Variants in LYRM4 observed in about 807,000 individuals in gnomAD.
The protein encoded by LYRM4 is LYR motif containing 4, also known as LYR motif-containing protein 4.
In LYRM4, 9 loss-of-function variants were observed where a neutral mutation model predicts 11.7. That is an observed-to-expected ratio of 0.77 (90% CI 0.46 to 1.34). The LOEUF (loss-of-function observed/expected upper bound fraction) is 1.34. LYRM4 is among the 40% of genes most tolerant of loss of function. The pLI is 0.00. For missense variants in LYRM4, 133 were observed against 112.5 expected (o/e 1.18, Z -0.82); for synonymous variants, 42 against 40.4 (o/e 1.04, Z -0.15).
At chr6:5,237,242 G>A (rs1419172795) in intron 1 of LYRM4, among the ~76,000 whole-genome samples, 1 of 152,120 alleles carries the variant, frequency 6.6e-6, no homozygotes, top group Non-Finnish European at 1.5e-5. Flanking sequence ...AATACCACCT[G>A]AGCTCCACCT....
At chr6:5,124,525 G>A (rs553918016) in intron 2 of LYRM4, among the ~76,000 whole-genome samples, 3 of 152,322 alleles carry the variant, frequency 2.0e-5, no homozygotes, top group Non-Finnish European at 4.4e-5. Flanking sequence ...GGCCTAAAGT[G>A]TGACTTCAGA....
chr6:5,244,985 G>T (rs1318289061), intron 1 of LYRM4, among the ~76,000 whole-genome samples: 9 of 147,212 alleles, frequency 6.1e-5, no homozygotes, highest in Admixed American at 4.1e-4. Context: ...AAATTATCCT[G>T]TTACTGCATG....
Position 5,229,440 on chromosome 6 carries a change from T to C in LYRM4, c.87-12702A>G, listed in dbSNP as rs185610164. Among the ~76,000 whole-genome samples, 609 of 152,208 alleles carry C rather than the reference T, an allele frequency of 4.0e-3. 1 individual carries two copies. The highest frequency in any genetic ancestry group is 7.0e-3 in the Admixed American group (107 of 15,286). Reference sequence around the variant, plus strand: ...GCAGACGTCTGATTACATCCACAGGTGCAGTTTTGACAGATGGGTGCAACA... The same window carrying C: ...GCAGACGTCTGATTACATCCACAGGCGCAGTTTTGACAGATGGGTGCAACA... On this transcript the variant is annotated intron_variant, in intron 1 of 2. Transcript: ENST00000330636.
intron 2 of LYRM4, among the ~76,000 whole-genome samples, chr6:5,133,051 T>G (rs756130028): frequency 6.6e-6 from 1 of 152,210 alleles, no homozygotes; most frequent in South Asian, 2.1e-4. Context: ...GAATCAGGAC[T>G]GGTTACTTTG....
the LYRM4 span, chr6:5,088,876 T>C: frequency 1.3e-5 from 2 of 152,204 alleles, no homozygotes; most frequent in African/African-American, 4.8e-5. Context: ...CCTAAAAAAA[T>C]AGTAACACAT....
rs1197151137 is a variant in LYRM4, at chr6:5,135,486, GCTGTGGAGGGTGCGGTTCACTCCCGGGA to G, written c.208-26023_208-25996del. On this transcript the variant is annotated intron_variant, in intron 2 of 2. Coordinates refer to ENST00000330636, the MANE Select transcript of LYRM4 (RefSeq NM_020408.6). ...GTGGAGGGTGCGGATCGCTCCTGGG[GCTGTGGAGGGTGCGGTTCACTCCCGGGA>G]CTGTGGAGGGTGCGGATCGCTCCTG... Among the ~76,000 whole-genome samples, 5 of 119,064 alleles carry G rather than the reference GCTGTGGAGGGTGCGGTTCACTCCCGGGA, an allele frequency of 4.2e-5. 1 individual carries two copies. Among genetic ancestry groups the G allele is most frequent in the African/African-American group, 7.1e-5 (2 of 28,086 alleles). 78.1% of individuals were successfully genotyped at this position (119,064 alleles called of 152,430 possible). A position where few individuals can be genotyped will look rare whatever the true frequency, so the allele number is the denominator to read the frequency against.
chr6:5,121,049 A>C (rs986356433), intron 2 of LYRM4, among the ~76,000 whole-genome samples: 3 of 152,182 alleles, frequency 2.0e-5, no homozygotes, highest in Admixed American at 2.0e-4. Context: ...AGCAGTGCTC[A>C]TCTAAGGGGA....
In LYRM4 at chr6:5,170,627, A is replaced by G. The variant is rs1222286362; in HGVS notation, c.207+45991T>C. Among the ~76,000 whole-genome samples, 3 of 152,174 alleles carry G rather than the reference A, an allele frequency of 2.0e-5. No individual in the cohort carries two copies. The East Asian group carries it at 5.8e-4, about 29-fold the overall frequency. ...GCGATTCTTGTGCCTCAGCCTCGCG[A>G]CTTTCTTTCTTTTAAATAGGGCTAC... On this transcript the variant is annotated intron_variant, in intron 2 of 2. Transcript: ENST00000330636.
intron 2 of LYRM4, among the ~76,000 whole-genome samples, chr6:5,181,727 A>G (rs754105805): frequency 2.6e-5 from 4 of 151,176 alleles, no homozygotes; most frequent in Non-Finnish European, 4.4e-5. Context: ...CCATTTCACA[A>G]CTCTCTTCTT....
At chr6:5,235,087 T>C (rs1161608851) in intron 1 of LYRM4, among the ~76,000 whole-genome samples, 1 of 152,136 alleles carries the variant, frequency 6.6e-6, no homozygotes, top group Non-Finnish European at 1.5e-5. Flanking sequence ...CTTTCCATCA[T>C]TACTTCCCCT....
intron 1 of LYRM4, among the ~76,000 whole-genome samples, chr6:5,243,069 G>A (rs901953922): frequency 1.3e-5 from 2 of 152,128 alleles, no homozygotes; most frequent in Non-Finnish European, 2.9e-5. Context: ...CACCGCGCCC[G>A]GCCAGGATTT....
chr6:5,076,006 G>A, the LYRM4 span, among the ~76,000 whole-genome samples: 1 of 151,346 alleles, frequency 6.6e-6, no homozygotes, highest in Admixed American at 6.6e-5. Context: ...GTGCAGTGGT[G>A]CGATCATGGC....
At chr6:5,180,456 C>T (rs1760003621) in intron 2 of LYRM4, among the ~76,000 whole-genome samples, 2 of 152,228 alleles carry the variant, frequency 1.3e-5, no homozygotes, top group Admixed American at 1.3e-4. Flanking sequence ...CTAGCATCCT[C>T]AAATGTAGAT....
In LYRM4 at chr6:5,155,937, A is replaced by G. The variant is rs1449270607; in HGVS notation, c.208-46446T>C. 2.0e-5 allele frequency among the ~76,000 whole-genome samples: 3 copies of G among 152,242 alleles called. No homozygotes were observed. The East Asian group carries it at 5.8e-4, about 29-fold the overall frequency. On this transcript the variant is annotated intron_variant, in intron 2 of 2. Coordinates refer to ENST00000330636, the MANE Select transcript of LYRM4 (RefSeq NM_020408.6). ...CTAAGGACAACAGGCAGAGAGAAACATCTTGAGATATGTTTGGAGGCAGGC... is the reference window on the plus strand; with the variant it reads ...CTAAGGACAACAGGCAGAGAGAAACGTCTTGAGATATGTTTGGAGGCAGGC...
At chr6:5,051,068 A>G in the LYRM4 span, among the ~76,000 whole-genome samples, 2 of 152,334 alleles carry the variant, frequency 1.3e-5, no homozygotes, top group African/African-American at 4.8e-5. Context: ...AGATTTGAAC[A>G]GGCAAAAGAA....
In LYRM4 at chr6:5,143,958, C is replaced by T. The variant is rs399120; in HGVS notation, c.208-34467G>A. ...ACTGAATAAAACATTCACAGTATATCTTCCACCAGCAGCTGAGCTCCAATT... is the reference window on the plus strand; with the variant it reads ...ACTGAATAAAACATTCACAGTATATTTTCCACCAGCAGCTGAGCTCCAATT... On this transcript the variant is annotated intron_variant, in intron 2 of 2. Transcript: ENST00000330636. Among the ~76,000 whole-genome samples the T allele has an allele frequency of 0.8, 121,917 of 152,108 alleles. 49,046 individuals are homozygous for T. The highest frequency in any genetic ancestry group is 0.92 in the East Asian group (4,762 of 5,160).
intron 2 of LYRM4, among the ~76,000 whole-genome samples, chr6:5,153,138 T>A (rs894925722): frequency 1.5e-4 from 23 of 152,136 alleles, no homozygotes; most frequent in African/African-American, 4.8e-4. Context: ...CGTTCTGTCG[T>A]TCAGGCTGGA....
chr6:5,251,421 T>C (rs1764422777), intron 1 of LYRM4, among the ~76,000 whole-genome samples: 1 of 152,162 alleles, frequency 6.6e-6, no homozygotes, highest in Admixed American at 6.5e-5. Flanking sequence ...TGTACAGGAA[T>C]TGTGATGCTG....
At chr6:5,165,496 T>C (rs1759025536) in intron 2 of LYRM4, among the ~76,000 whole-genome samples, 1 of 152,150 alleles carries the variant, frequency 6.6e-6, no homozygotes, top group African/African-American at 2.4e-5. Context: ...CATAACCCAA[T>C]TTCCCAAGAA....
Sources: allele counts gnomAD v4.1 joint callset (sites outside exome capture counted in the v4.1 genomes callset), GRCh38; gene constraint gnomAD v4.1.1; transcripts MANE v1.5; gene names NCBI Gene and HGNC (gene_info 2026-07-23, HGNC 2026-07-21).